The following EPC2 variants were observed in gnomAD, a reference collection of about 807,000 sequenced individuals.
The protein encoded by EPC2 is enhancer of polycomb 2, also known as enhancer of polycomb homolog 2.
A neutral mutation model predicts 92.1 loss-of-function variants in EPC2; 14 were observed. The ratio of observed to expected loss-of-function variants is 0.15; its 90% CI spans 0.10 to 0.24. The LOEUF is 0.24. Among genes scored for constraint, EPC2 ranks in the 10% least tolerant of loss-of-function variants. The pLI is 1.00. For missense variants in EPC2, 755 were observed against 971.5 expected, an observed-to-expected ratio of 0.78 and a Z score of 2.96; for synonymous variants, 340 against 334.7, an observed-to-expected ratio of 1.02 and a Z score of -0.17.
intron 2 of EPC2, among the ~76,000 whole-genome samples, 168 bp from the exon 3 acceptor site, chr2:148,743,454 T>C (rs1344314847): frequency 6.6e-6 from 1 of 152,188 alleles, no homozygotes; most frequent in Non-Finnish European, 1.5e-5. Flanking sequence ...AATTTTATTT[T>C]TTCTTCCACT....
intron 1 of EPC2, among the ~76,000 whole-genome samples, chr2:148,658,405 G>A (rs1680850900): frequency 6.6e-6 from 1 of 152,070 alleles, no homozygotes; most frequent in Non-Finnish European, 1.5e-5. Context: ...CTTGTTTATA[G>A]TATGAGAGTT....
At chr2:148,759,274 G>T (rs1683253857) in intron 4 of EPC2, among the ~76,000 whole-genome samples, 1 of 152,044 alleles carries the variant, frequency 6.6e-6, no homozygotes, top group Admixed American at 6.6e-5. Flanking sequence ...TGTATTTTTA[G>T]TAGAGACAGG....
chr2:148,725,125 T>A (rs969236182), intron 2 of EPC2, among the ~76,000 whole-genome samples: 6 of 152,110 alleles, frequency 3.9e-5, no homozygotes, highest in African/African-American at 1.4e-4. Context: ...TGTCTTAGAG[T>A]TGGCATAGAT....
intron 2 of EPC2, among the ~76,000 whole-genome samples, chr2:148,694,093 G>A (rs1363817895): frequency 6.6e-6 from 1 of 152,152 alleles, no homozygotes; most frequent in Non-Finnish European, 1.5e-5. Context: ...GAAATTAAAA[G>A]CATATACTCC....
intron 1 of EPC2, among the ~76,000 whole-genome samples, chr2:148,688,086 CCTT>C (rs887836250): frequency 1.3e-5 from 2 of 152,056 alleles, no homozygotes; most frequent in African/African-American, 2.4e-5. Context: ...GAAATTAAGA[CCTT>C]CTAATTTCCA....
chr2:148,697,629 G>T (rs1268157866), intron 2 of EPC2, among the ~76,000 whole-genome samples: 1 of 152,186 alleles, frequency 6.6e-6, no homozygotes, highest in Non-Finnish European at 1.5e-5. Flanking sequence ...GGCCTTTTGA[G>T]TTTTATAAAT....
intron 6 of EPC2, 76 bp downstream of exon 6, chr2:148,762,878 T>C: frequency 6.9e-7 from 1 of 1,457,010 alleles, no homozygotes; most frequent in South Asian, 1.5e-5. Flanking sequence ...GCAGTTGTCT[T>C]AATATGGTTT....
At chr2:148,649,171 T>C (rs1156331334) in intron 1 of EPC2, among the ~76,000 whole-genome samples, 2 of 152,226 alleles carry the variant, frequency 1.3e-5, no homozygotes, top group Non-Finnish European at 2.9e-5. Context: ...CATATATTAT[T>C]TCATTTAATC....
At chr2:148,684,079 T>C (rs546498825) in intron 1 of EPC2, among the ~76,000 whole-genome samples, 27 of 152,370 alleles carry the variant, frequency 1.8e-4, no homozygotes, top group African/African-American at 6.5e-4. Flanking sequence ...TGGTATCTCA[T>C]TGCAGTTTTG....
intron 1 of EPC2, among the ~76,000 whole-genome samples, chr2:148,655,698 C>T (rs1020700862): frequency 6.6e-6 from 1 of 152,072 alleles, no homozygotes; most frequent in African/African-American, 2.4e-5. Context: ...AACCTACGAC[C>T]TGAGGTTCAG....
chr2:148,647,112 CCAA>C (rs1313993499), intron 1 of EPC2, among the ~76,000 whole-genome samples: 1 of 151,622 alleles, frequency 6.6e-6, no homozygotes, highest in African/African-American at 2.4e-5. Flanking sequence ...TCCGTCCCCC[CCAA>C]CAACAAAAAA....
intron 1 of EPC2, among the ~76,000 whole-genome samples, chr2:148,679,524 G>A (rs537974323): frequency 1.3e-5 from 2 of 152,346 alleles, no homozygotes; most frequent in Admixed American, 1.3e-4. Context: ...AAGGTGAGAT[G>A]TAAGAAAAGT....
chr2:148,770,305 G>T (rs115490974), intron 8 of EPC2, among the ~76,000 whole-genome samples: 1 of 152,118 alleles, frequency 6.6e-6, no homozygotes, highest in Admixed American at 6.5e-5. Context: ...CTCCTAAAGT[G>T]CTAGGATTAC....
rs116334948 is a variant in EPC2 at position 148,753,253 on chromosome 2, A to G, written c.460-674A>G. On this transcript the variant is annotated intron_variant, in intron 3 of 13. Transcript: ENST00000258484. ...CAGCATTAGAGCTCCTAAGGGAACC[A>G]TCCTAGGGCCACTGTCCCAGGACAT... 4.5e-3 allele frequency among the ~76,000 whole-genome samples: 688 copies of G among 152,330 alleles called. 2 individuals are homozygous for G. Among genetic ancestry groups the G allele is most frequent in the Non-Finnish European group, 6.8e-3 (463 of 68,014 alleles).
intron 4 of EPC2, among the ~76,000 whole-genome samples, chr2:148,759,605 GA>G (rs1338311215): frequency 1.3e-5 from 2 of 150,522 alleles, no homozygotes; most frequent in Non-Finnish European, 3.0e-5. Context: ...ATTTTTTTTT[GA>G]AAATATATAT....
chr2:148,686,529 C>T (rs892305830), intron 1 of EPC2, among the ~76,000 whole-genome samples: 1 of 152,190 alleles, frequency 6.6e-6, no homozygotes, highest in Non-Finnish European at 1.5e-5. Flanking sequence ...AATAGTGAAT[C>T]CTTTTCAGAA....
intron 7 of EPC2, among the ~76,000 whole-genome samples, chr2:148,765,973 T>G (rs1221928921): frequency 6.6e-6 from 1 of 152,196 alleles, no homozygotes; most frequent in East Asian, 1.9e-4. Flanking sequence ...GAGGTGGAGC[T>G]TGCAGTGAGC....
At chr2:148,785,481 C>T (rs906247285) in intron 13 of EPC2, among the ~76,000 whole-genome samples, 19 of 152,154 alleles carry the variant, frequency 1.2e-4, no homozygotes, top group African/African-American at 4.6e-4. Context: ...GCACATGCCA[C>T]CATGCCTGGC....
chr2:148,728,578 A>G (rs894332301), intron 2 of EPC2, among the ~76,000 whole-genome samples: 1 of 152,038 alleles, frequency 6.6e-6, no homozygotes, highest in African/African-American at 2.4e-5. Context: ...TAAACTAAAA[A>G]GTTAGCCAGG....
Sources: gnomAD v4.1 joint callset for allele counts (sites outside exome capture counted in the v4.1 genomes callset) on GRCh38, gnomAD v4.1.1 for gene constraint, MANE v1.5 for transcripts, NCBI Gene and HGNC (gene_info 2026-07-23, HGNC 2026-07-21) for gene names.